HOXB5: variants seen among roughly 807,000 people sequenced by gnomAD.
HOXB5 encodes the protein homeobox protein Hox-B5.
A neutral mutation model predicts 19.6 loss-of-function variants in HOXB5; 10 were observed. The observed-to-expected ratio is 0.51, with a 90% confidence interval of 0.32 to 0.87. The LOEUF is 0.87. Ranked by LOEUF, HOXB5 falls within the 40% of genes least tolerant of loss-of-function variation. HOXB5 has a pLI of 0.04. For synonymous variants in HOXB5, 167 were observed against 156.9 expected, an observed-to-expected ratio of 1.06 and a Z score of -0.48; for missense variants, 353 against 369.6, an observed-to-expected ratio of 0.96 and a Z score of 0.37.
At chr17:48,592,859 T>TC (rs1270496900) in intron 1 of HOXB5, among the ~76,000 whole-genome samples, 1 of 152,156 alleles carries the variant, frequency 6.6e-6, no homozygotes, top group East Asian at 1.9e-4. Flanking sequence ...ATGAACCCCA[T>TC]CCTTTATCCT....
rs1337319488 is a variant in HOXB5 at position 48,591,747 on chromosome 17, A to ACTGCGG, written c.*456_*461dup. 6.5e-6 allele frequency: 1 copy of ACTGCGG among 152,996 alleles called. No individual in the cohort carries two copies. Among genetic ancestry groups the ACTGCGG allele is most frequent in the African/African-American group, 2.4e-5 (1 of 41,330 alleles). 9.5% of individuals were successfully genotyped at this position (152,996 alleles called of 1,614,324 possible). On this transcript the variant is annotated 3_prime_UTR_variant, in exon 2 of 2. Coordinates refer to ENST00000239151, the MANE Select transcript of HOXB5 (RefSeq NM_002147.4). ...TCCGAAGCCAGCTCAGCTTGACCCC[A>ACTGCGG]CTGCGGCACTACCCCACCTCAACTG... is the stretch of plus-strand genomic sequence containing the variant.
At chr17:48,592,510 G>C (rs560415729) in intron 1 of HOXB5, 54 bp from the exon 2 acceptor site, 2 of 881,742 alleles carry the variant, frequency 2.3e-6, no homozygotes, top group East Asian at 7.6e-5. Context: ...TAAGGGAGGG[G>C]GCACTGGGTG....
rs2070197544 is a variant in HOXB5 at position 48,593,354 on chromosome 17, GCGCCGTGGCTGT to G, written c.317_328del (p.Asp106_Gly109del). ...GGAGGGGGACGAAGCAGAGGGCTTG[GCGCCGTGGCTGT>G]CGCCGTTGGTGCAGGGCAGGGACTC... On this transcript the variant is annotated inframe_deletion, in exon 1 of 2. Transcript: ENST00000239151. 1 of 1,602,242 alleles carries G rather than the reference GCGCCGTGGCTGT, an allele frequency of 6.2e-7. No homozygotes were observed. Among genetic ancestry groups the G allele is most frequent in the South Asian group, 1.1e-5 (1 of 90,024 alleles).
chr17:48,592,040 A>G lies in HOXB5; in HGVS notation c.*169T>C. 2 of 620,910 alleles carry G rather than the reference A, an allele frequency of 3.2e-6. No homozygotes were observed. Among genetic ancestry groups the G allele is most frequent in the South Asian group, 4.0e-5 (2 of 49,734 alleles). The allele number at this position is 620,910 out of a possible 1,614,324, so 38.5% of individuals were successfully genotyped here. A position where few individuals can be genotyped will look rare whatever the true frequency, so the allele number is the denominator to read the frequency against. ...ATAATAACAAGATAACCAGTCCAGG[A>G]GAGAGGGAGCCACAGGAAGACCTAA... On this transcript the variant is annotated 3_prime_UTR_variant, in exon 2 of 2. Coordinates refer to ENST00000239151, the MANE Select transcript of HOXB5 (RefSeq NM_002147.4).
At position 48,593,178 on chromosome 17, in the gene HOXB5, G is replaced by A; in HGVS notation, c.505C>T (p.Pro169Ser). 2 of 1,595,108 alleles carry A rather than the reference G, an allele frequency of 1.3e-6. No homozygotes were observed. Among genetic ancestry groups the A allele is most frequent in the South Asian group, 1.1e-5 (1 of 90,330 alleles). ...PEPMATSTAA[P>S]EGQTPQIFPW... ...AATATTTGCGGAGTCTGCCCCTCGG[G>A]CGCGGCTGTGGAGGTGGCCATGGGC... Residue 169 changes from proline to serine, a missense_variant, in exon 1 of 2, where the codon CCC (proline) becomes TCC (serine). Physicochemically the swap from Pro to Ser is moderately conservative, Grantham distance 74. Coordinates refer to ENST00000239151, the MANE Select transcript of HOXB5 (RefSeq NM_002147.4).
At position 48,591,391 on chromosome 17, in the gene HOXB5, G is replaced by C. The variant is rs1267500208; in HGVS notation, c.*818C>G. ...CCACTCGCTCACTACAAATGGTCTTGGAAGCAAGATGGGTAAGGGAGAGAT... is the reference window on the plus strand; with the variant it reads ...CCACTCGCTCACTACAAATGGTCTTCGAAGCAAGATGGGTAAGGGAGAGAT... On this transcript the variant is annotated 3_prime_UTR_variant, in exon 2 of 2. Transcript: ENST00000239151. 1 of 152,666 alleles carries C rather than the reference G, an allele frequency of 6.6e-6. No individual in the cohort carries two copies. The highest frequency in any genetic ancestry group is 1.5e-5 in the Non-Finnish European group (1 of 68,052). 9.5% of individuals were successfully genotyped at this position (152,666 alleles called of 1,614,324 possible).
chr17:48,591,898 C>G lies in HOXB5; in HGVS notation c.*311G>C. ...CATGCGAATTTCTTTTTTTTTTTTT[C>G]CTGGGGGAAAGACTGCAACCACAGA... On this transcript the variant is annotated 3_prime_UTR_variant, in exon 2 of 2. Transcript: ENST00000239151. 1 of 166,762 alleles carries G rather than the reference C, an allele frequency of 6.0e-6. No homozygotes were observed. 10.3% of individuals were successfully genotyped at this position (166,762 alleles called of 1,614,324 possible).
chr17:48,593,070 CAAAACGCAGAGAAGGAAAGCCGAGAAGA>C, intron 1 of HOXB5, 23 bp downstream of exon 1: 2 of 1,039,432 alleles, frequency 1.9e-6, no homozygotes, highest in Admixed American at 2.5e-5. Flanking sequence ...GATCCCACCC[CAAAACGCAGAGAAGGAAAGCCGAGAAGA>C]CAAAAAAGAG....
At chr17:48,593,070 C>CCAA in intron 1 of HOXB5, 51 bp downstream of exon 1, 4 of 1,039,436 alleles carry the variant, frequency 3.8e-6, no homozygotes, top group Non-Finnish European at 5.5e-6. Context: ...GATCCCACCC[C>CCAA]AAAACGCAGA....
In HOXB5 at chr17:48,592,052, A is replaced by T. The variant is rs2070163561; in HGVS notation, c.*157T>A. 2.9e-6 allele frequency: 2 copies of T among 684,802 alleles called. No homozygotes were observed. The highest frequency in any genetic ancestry group is 4.8e-6 in the Non-Finnish European group (2 of 414,266). 42.4% of individuals were successfully genotyped at this position (684,802 alleles called of 1,614,324 possible). On this transcript the variant is annotated 3_prime_UTR_variant, in exon 2 of 2. Coordinates refer to ENST00000239151, the MANE Select transcript of HOXB5 (RefSeq NM_002147.4). Reference sequence around the variant, plus strand: ...TAACCAGTCCAGGAGAGAGGGAGCCACAGGAAGACCTAAGACCAAACGAAA... The same window carrying T: ...TAACCAGTCCAGGAGAGAGGGAGCCTCAGGAAGACCTAAGACCAAACGAAA...
At chr17:48,593,027 T>A in intron 1 of HOXB5, 94 bp downstream of exon 1, 1 of 956,572 alleles carries the variant, frequency 1.0e-6, no homozygotes, top group South Asian at 1.9e-5. Flanking sequence ...TGAATCTATA[T>A]TTAGGGTAAA....
At chr17:48,592,542 C>T (rs1170820276) in intron 1 of HOXB5, 86 bp from the exon 2 acceptor site, 10 of 1,350,860 alleles carry the variant, frequency 7.4e-6, no homozygotes, top group African/African-American at 1.5e-5. Flanking sequence ...GGGAGCAGGA[C>T]CCAGGCGTCC....
In HOXB5 at chr17:48,593,599, G is replaced by C; in HGVS notation, c.84C>G (p.Ser28Arg). Residue 28 changes from serine to arginine, a missense_variant, in exon 1 of 2, where the codon AGC becomes AGG. By Grantham distance (110) the Ser-to-Arg change is moderately radical (BLOSUM62 -1). Transcript: ENST00000239151. ...DYQLLNYGSG[S>R]SLSGSYRDPA... ...GATCCCTGTAAGAGCCGCTCAGAGA[G>C]CTGCCACTGCCATAATTTAGCAACT... 6.2e-7 allele frequency: 1 copy of C among 1,613,082 alleles called. No individual in the cohort carries two copies. Among genetic ancestry groups the C allele is most frequent in the South Asian group, 1.1e-5 (1 of 91,086 alleles).
Position 48,592,161 on chromosome 17 carries a change from G to A in HOXB5, c.*48C>T, listed in dbSNP as rs550423840. The A allele has an allele frequency of 1.5e-5, 24 of 1,592,634 alleles. No homozygotes were observed. The African/African-American group carries it at 2.7e-4, about 18-fold the overall frequency. Reference sequence around the variant, plus strand: ...AGCGGGGAGGATTGGAGGGGCCAGGGCTGGGGGTGGCACGGGCTCTTGGGC... The same window carrying A: ...AGCGGGGAGGATTGGAGGGGCCAGGACTGGGGGTGGCACGGGCTCTTGGGC... On this transcript the variant is annotated 3_prime_UTR_variant, in exon 2 of 2. Transcript: ENST00000239151.
In HOXB5 at chr17:48,592,438, C is replaced by T. The variant is rs772599954; in HGVS notation, c.581G>A (p.Gly194Glu). Reference protein sequence around the residue: ...HISHDMTGPDGKRARTAYTRY... With the variant: ...HISHDMTGPDEKRARTAYTRY... ...GGTATACGCGGTCCGGGCCCTTTTCCCGTCCGGCCCGGTCATATCTGGAGC... is the reference window on the plus strand; with the variant it reads ...GGTATACGCGGTCCGGGCCCTTTTCTCGTCCGGCCCGGTCATATCTGGAGC... Residue 194 changes from glycine (G) to glutamate (E), a missense_variant, in exon 2 of 2, where the codon GGG becomes GAG. Coordinates refer to ENST00000239151, the MANE Select transcript of HOXB5 (RefSeq NM_002147.4). 1.9e-6 allele frequency: 3 copies of T among 1,613,386 alleles called. No homozygotes were observed. The highest frequency in any genetic ancestry group is 1.3e-5 in the African/African-American group (1 of 74,744).
Position 48,593,200 on chromosome 17 carries a change from G to A in HOXB5, c.483C>T (p.Pro161=), listed in dbSNP as rs2070193396. 6.2e-7 allele frequency: 1 copy of A among 1,610,382 alleles called. No individual in the cohort carries two copies. ...CGGGCGCGGCTGTGGAGGTGGCCAT[G>A]GGCTCTGGCTGCGCCCGAGCTAGGC... ...SPSLARAQPE[P]MATSTAAPEG... Residue 161 remains proline, a synonymous_variant, in exon 1 of 2, where the codon CCC becomes CCT. Transcript: ENST00000239151.
Position 48,593,204 on chromosome 17 carries a change from T to C in HOXB5, c.479A>G (p.Glu160Gly), listed in dbSNP as rs2070193643. 1 of 1,611,696 alleles carries C rather than the reference T, an allele frequency of 6.2e-7. No homozygotes were observed. Among genetic ancestry groups the C allele is most frequent in the Non-Finnish European group, 8.5e-7 (1 of 1,178,302 alleles). Residue 160 changes from glutamate to glycine, a missense_variant, in exon 1 of 2, where the codon GAG becomes GGG. Coordinates refer to ENST00000239151, the MANE Select transcript of HOXB5 (RefSeq NM_002147.4). Reference protein sequence around the residue: ...SSPSLARAQPEPMATSTAAPE... With the variant: ...SSPSLARAQPGPMATSTAAPE... ...CGCGGCTGTGGAGGTGGCCATGGGCTCTGGCTGCGCCCGAGCTAGGCTGGG... is the reference window on the plus strand; with the variant it reads ...CGCGGCTGTGGAGGTGGCCATGGGCCCTGGCTGCGCCCGAGCTAGGCTGGG...
intron 1 of HOXB5, 68 bp downstream of exon 1, chr17:48,593,053 T>TGCC: frequency 6.4e-6 from 4 of 621,652 alleles, no homozygotes; most frequent in Non-Finnish European, 8.6e-6. Flanking sequence ...GCTCTCCTTG[T>TGCC]CCCCCCGATC....
Position 48,593,252 on chromosome 17 carries a change from T to A in HOXB5, c.431A>T (p.Glu144Val), listed in dbSNP as rs2144937466. 1.2e-6 allele frequency: 2 copies of A among 1,613,820 alleles called. No homozygotes were observed. The highest frequency in any genetic ancestry group is 1.7e-6 in the Non-Finnish European group (2 of 1,179,772). Residue 144 changes from glutamate to valine, a missense_variant, in exon 1 of 2, where the codon GAA becomes GTA. Coordinates refer to ENST00000239151, the MANE Select transcript of HOXB5 (RefSeq NM_002147.4). ...GGGGCTGCTTAGCTGGCTTGCCGCT[T>A]CCTCAGGCTCCGAGGACGCGCTGGC... Reference protein sequence around the residue: ...DEASASSEPEEAASQLSSPSL... With the variant: ...DEASASSEPEVAASQLSSPSL...
Sources: allele counts gnomAD v4.1 joint callset (sites outside exome capture counted in the v4.1 genomes callset), GRCh38; gene constraint gnomAD v4.1.1; transcripts MANE v1.5; gene names NCBI Gene and HGNC (gene_info 2026-07-23, HGNC 2026-07-21).